The following SEC14L1 variants were observed in gnomAD, a reference collection of about 807,000 sequenced individuals.
The protein encoded by SEC14L1 is SEC14-like protein 1.
In SEC14L1, 48 loss-of-function variants were observed where a neutral mutation model predicts 85.3. The observed-to-expected ratio is 0.56, with a 90% CI of 0.45 to 0.72. SEC14L1 has a LOEUF of 0.72. SEC14L1 is among the 30% of genes least tolerant of loss of function. The pLI, the probability that SEC14L1 is intolerant of heterozygous loss-of-function variation, is 0.00. For missense variants in SEC14L1, 682 were observed against 921.4 expected (o/e 0.74, Z 3.36); for synonymous variants, 391 against 355.5 (o/e 1.10, Z -1.12).
Position 77,216,535 on chromosome 17 carries a change from T to G in SEC14L1, c.*2512T>G. Reference sequence around the variant, plus strand: ...GTGGTCCCTGCTTTCTCTTTCTCTTTCTCTGTGTCTCAGATGGCGATTTTG... The same window carrying G: ...GTGGTCCCTGCTTTCTCTTTCTCTTGCTCTGTGTCTCAGATGGCGATTTTG... On this transcript the variant is annotated 3_prime_UTR_variant, in exon 17 of 17. Coordinates refer to ENST00000436233, the MANE Select transcript of SEC14L1 (RefSeq NM_001143998.2). The G allele has an allele frequency of 8.1e-6, 13 of 1,613,256 alleles. No individual in the cohort carries two copies. The highest frequency in any genetic ancestry group is 1.1e-5 in the Non-Finnish European group (13 of 1,179,420).
rs147946258 is a variant in SEC14L1, at chr17:77,191,778, C to T, written c.345+466C>T. 3.4e-3 allele frequency among the ~76,000 whole-genome samples: 499 copies of T among 144,874 alleles called. 3 individuals are homozygous for T. Among genetic ancestry groups the T allele is most frequent in the South Asian group, 0.02 (91 of 4,540 alleles). On this transcript the variant is annotated intron_variant, in intron 5 of 16. Coordinates refer to ENST00000436233, the MANE Select transcript of SEC14L1 (RefSeq NM_001143998.2). ...GGCTGGTCTGGAACTCCTGACCTCA[C>T]GTGATCCACCCCTTGGCCTAATTTT...
chr17:77,145,019 C>G (rs754157549), intron 3 of SEC14L1: 3 of 152,182 alleles, frequency 2.0e-5, no homozygotes, highest in Non-Finnish European at 4.4e-5. Context: ...TCAAGCGATT[C>G]TGCATCAGCC....
In SEC14L1 at chr17:77,092,696, C is replaced by A. The variant is rs1488389636; in HGVS notation, c.-239-548C>A. 2.0e-5 allele frequency among the ~76,000 whole-genome samples: 3 copies of A among 152,188 alleles called. No individual in the cohort carries two copies. In the East Asian group the frequency reaches 5.8e-4, roughly 29 times the overall value. ...GGGCGTGGTGGCTCACACCTGTAAT[C>A]CCAGCACTTTGGGAGGCTGAGGCGG... On this transcript the variant is annotated intron_variant, in intron 2 of 19. Transcript: ENST00000392476.
intron 3 of SEC14L1, among the ~76,000 whole-genome samples, chr17:77,147,858 G>A (rs1195190471): frequency 6.6e-6 from 1 of 152,112 alleles, no homozygotes; most frequent in Admixed American, 6.5e-5. Flanking sequence ...ACAATGAAGT[G>A]GTCACATGTC....
rs762649543 is a variant in SEC14L1, at chr17:77,193,393, A to G, written c.346-28A>G. On this transcript the variant is annotated intron_variant, in intron 5 of 16. Coordinates refer to ENST00000436233, the MANE Select transcript of SEC14L1 (RefSeq NM_001143998.2). ...ATGATATTCTGTTGTCAATTCAGTC[A>G]GTGAGAGTGCTTTCTCTTTATCTGC... is the stretch of plus-strand genomic sequence containing the variant. 6 of 1,572,802 alleles carry G rather than the reference A, an allele frequency of 3.8e-6. No individual in the cohort carries two copies. The East Asian group carries it at 1.4e-4, about 36-fold the overall frequency.
chr17:77,188,250 C>T (rs1389899434), intron 3 of SEC14L1, among the ~76,000 whole-genome samples: 1 of 152,172 alleles, frequency 6.6e-6, no homozygotes, highest in East Asian at 1.9e-4. Context: ...CAGAGTGCTT[C>T]CCAGGCATCT....
intron 3 of SEC14L1, among the ~76,000 whole-genome samples, chr17:77,166,550 C>A (rs1974290141): frequency 1.3e-5 from 2 of 152,088 alleles, no homozygotes; most frequent in African/African-American, 2.4e-5. Flanking sequence ...AAGATGAGAC[C>A]TATTAAGGGC....
chr17:77,158,574 C>T (rs886141623), intron 3 of SEC14L1, among the ~76,000 whole-genome samples: 8 of 151,954 alleles, frequency 5.3e-5, no homozygotes, highest in African/African-American at 1.9e-4. Context: ...CTAATGTCTT[C>T]AAGGTTCATC....
chr17:77,154,647 G>T (rs2176756), intron 3 of SEC14L1, among the ~76,000 whole-genome samples: 146,032 of 149,464 alleles, frequency 0.98, 71,329 homozygotes, highest in East Asian at 0.99. Flanking sequence ...GTTTTTTTTT[G>T]GTTTTTTTTT....
intron 3 of SEC14L1, among the ~76,000 whole-genome samples, chr17:77,133,437 G>A (rs1357103643): frequency 2.6e-5 from 4 of 152,206 alleles, no homozygotes; most frequent in Admixed American, 6.5e-5. Context: ...AGGTCAGCTC[G>A]AGGCGGCCAA....
intron 3 of SEC14L1, among the ~76,000 whole-genome samples, chr17:77,172,764 C>T (rs1242797870): frequency 3.3e-5 from 5 of 152,150 alleles, no homozygotes; most frequent in African/African-American, 4.8e-5. Context: ...TCTGTAGGTC[C>T]TTCATCCTTC....
intron 3 of SEC14L1, among the ~76,000 whole-genome samples, chr17:77,172,524 T>C (rs1974561122): frequency 6.6e-6 from 1 of 152,190 alleles, no homozygotes; most frequent in African/African-American, 2.4e-5. Context: ...ATCCTTGCTT[T>C]TTGTTTTTGC....
intron 3 of SEC14L1, chr17:77,185,497 T>C (rs970901045): frequency 3.5e-4 from 152 of 436,650 alleles, no homozygotes; most frequent in Non-Finnish European, 4.2e-4. Flanking sequence ...TGACACCTTA[T>C]GCTGACCACT....
intron 6 of SEC14L1, among the ~76,000 whole-genome samples, chr17:77,193,950 GT>G (rs1364170772): frequency 6.6e-6 from 1 of 152,158 alleles, no homozygotes; most frequent in Non-Finnish European, 1.5e-5. Flanking sequence ...TCTCGTTTTT[GT>G]GCTGTTGTTC....
At chr17:77,089,351 T>C in intron 2 of SEC14L1, 1 of 514,426 alleles carries the variant, frequency 1.9e-6, no homozygotes, top group South Asian at 1.4e-5. Flanking sequence ...TGCCAAGTTG[T>C]GGGTGCAGCA....
Position 77,206,739 on chromosome 17 carries a change from C to A in SEC14L1, c.1353C>A (p.Phe451Leu). Residue 451 changes from phenylalanine to leucine, a missense_variant, in exon 13 of 17, where the codon TTC becomes TTA. Physicochemically the swap from Phe to Leu is conservative, Grantham distance 22. Coordinates refer to ENST00000436233, the MANE Select transcript of SEC14L1 (RefSeq NM_001143998.2). This position sits in a 1 kb window ranked among gnomAD's most constrained non-coding sequence, Gnocchi z 4.3. ...FPVLWTLVSP[F>L]IDDNTRRKFL... ...TCTCCTCCTCACAGGTTAGTCCGTTCATTGATGACAACACCAGAAGGAAGT... is the reference window on the plus strand; with the variant it reads ...TCTCCTCCTCACAGGTTAGTCCGTTAATTGATGACAACACCAGAAGGAAGT... 6.2e-7 allele frequency: 1 copy of A among 1,608,634 alleles called. No homozygotes were observed. The highest frequency in any genetic ancestry group is 8.5e-7 in the Non-Finnish European group (1 of 1,178,216).
intron 3 of SEC14L1, among the ~76,000 whole-genome samples, chr17:77,122,325 C>T (rs1273214752): frequency 2.0e-5 from 3 of 147,222 alleles, no homozygotes; most frequent in Non-Finnish European, 4.5e-5. Context: ...TTTTTTGAGA[C>T]AGCGTCTCAC....
chr17:77,162,623 G>A (rs937599204), intron 3 of SEC14L1, among the ~76,000 whole-genome samples: 28 of 152,010 alleles, frequency 1.8e-4, no homozygotes, highest in South Asian at 2.1e-4. Context: ...ACCTGAGGTC[G>A]GGAGTTCGAG....
rs1433151944 is a variant in SEC14L1, at chr17:77,145,077, TTGTGTGTGTGTGTGTGTATGTATG to T, written c.63+1436_63+1459del. ...GTGCCTGCCCCCGCACCTGGCTAATTTGTGTGTGTGTGTGTGTATGTATGTGTGTGTGTGTGTGTGTGTGTGTGT... is the reference window on the plus strand; with the variant it reads ...GTGCCTGCCCCCGCACCTGGCTAATTTGTGTGTGTGTGTGTGTGTGTGTGT... On this transcript the variant is annotated intron_variant, in intron 3 of 16. Transcript: ENST00000436233. 9.0e-3 allele frequency: 1,300 copies of T among 144,368 alleles called. 12 individuals are homozygous for T. Among genetic ancestry groups the T allele is most frequent in the South Asian group, 0.05 (222 of 4,476 alleles). The allele number at this position is 144,368 out of a possible 1,614,324, so 8.9% of individuals were successfully genotyped here.
Sources: allele counts gnomAD v4.1 joint callset (sites outside exome capture counted in the v4.1 genomes callset), GRCh38; gene constraint gnomAD v4.1.1; non-coding constraint Gnocchi (gnomAD v3.1); transcripts MANE v1.5; gene names NCBI Gene and HGNC (gene_info 2026-07-23, HGNC 2026-07-21).